Variants in OTOA observed in about 807,000 individuals in gnomAD.
OTOA encodes the protein otoancorin, also known as cancer/testis antigen 108.
A neutral mutation model predicts 110.8 loss-of-function variants in OTOA; 70 were observed. That is an observed-to-expected ratio of 0.63 (90% confidence interval 0.52 to 0.77). The LOEUF (loss-of-function observed/expected upper bound fraction) is 0.77, where lower values mean the gene tolerates loss of function less well. Ranked by LOEUF, OTOA falls within the 30% of genes least tolerant of loss-of-function variation. The probability of loss-of-function intolerance (pLI) is 0.00; values close to 1 mark genes in which losing one functional copy is unlikely to be tolerated. For missense variants in OTOA, 917 were observed against 1,075.8 expected, an observed-to-expected ratio of 0.85 and a Z score of 2.06; for synonymous variants, 373 against 431.5, an observed-to-expected ratio of 0.86 and a Z score of 1.68.
intron 5 of OTOA, among the ~76,000 whole-genome samples, chr16:21,679,922 T>A (rs1225041435): frequency 3.3e-5 from 5 of 152,112 alleles, no homozygotes; most frequent in Non-Finnish European, 7.4e-5. Context: ...CCCTTTACTG[T>A]TGCATTATAA....
chr16:21,690,360 A>C (rs1897804699), intron 8 of OTOA, among the ~76,000 whole-genome samples: 2 of 151,778 alleles, frequency 1.3e-5, no homozygotes, highest in Admixed American at 1.3e-4. Flanking sequence ...CACCCCCACA[A>C]TAGGACCCAG....
chr16:21,688,582 T>C (rs1430183464), intron 8 of OTOA, among the ~76,000 whole-genome samples: 1 of 152,178 alleles, frequency 6.6e-6, no homozygotes, highest in Non-Finnish European at 1.5e-5. Context: ...CTCATGGTTC[T>C]GGAGGCTGGG....
intron 1 of OTOA, among the ~76,000 whole-genome samples, chr16:21,670,814 G>A (rs760676540): frequency 2.0e-5 from 3 of 152,192 alleles, no homozygotes; most frequent in Non-Finnish European, 4.4e-5. Flanking sequence ...AGAGAATTCA[G>A]GGAAGGCTTC....
rs577315365 is a variant in OTOA at position 21,708,702 on chromosome 16, G to GC, written c.1105-1180dup. Among the ~76,000 whole-genome samples the GC allele has an allele frequency of 1.4e-4, 21 of 152,236 alleles. No homozygotes were observed. In the South Asian group the frequency reaches 2.5e-3, roughly 18 times the overall value. On this transcript the variant is annotated intron_variant, in intron 12 of 28. Transcript: ENST00000646100. ...GTTGTTTCTTCTACTTCACTCTGCT[G>GC]CCCCCCAGTGGCTATTTCAATATTG... is the stretch of plus-strand genomic sequence containing the variant.
intron 8 of OTOA, 151 bp from the exon 9 acceptor site, chr16:21,691,433 C>T (rs1284478039): frequency 9.0e-6 from 6 of 667,608 alleles, no homozygotes; most frequent in Non-Finnish European, 1.6e-5. Flanking sequence ...TTCCAACCAA[C>T]AGTGTAAAAG....
intron 8 of OTOA, among the ~76,000 whole-genome samples, chr16:21,687,904 T>C (rs1313736551): frequency 1.3e-5 from 2 of 151,906 alleles, no homozygotes; most frequent in East Asian, 2.0e-4. Context: ...CATCAAGTGA[T>C]CCACCTGCCT....
At chr16:21,714,029 G>T (rs561976590) in intron 13 of OTOA, among the ~76,000 whole-genome samples, 1 of 152,098 alleles carries the variant, frequency 6.6e-6, no homozygotes, top group Non-Finnish European at 1.5e-5. Context: ...GAGGTCAAAA[G>T]GTCTTGCCTT....
At chr16:21,721,420 C>T in intron 17 of OTOA, 1 of 455,694 alleles carries the variant, frequency 2.2e-6, no homozygotes, top group Non-Finnish European at 4.4e-6. Context: ...AGCAGAGCTA[C>T]TGGCCTCTAG....
In OTOA at chr16:21,715,077, G is replaced by A. The variant is rs779657494; in HGVS notation, c.1413G>A (p.Ser471=). The change falls in exon 14 of 29, where the codon TCG becomes TCA. Residue 471 remains serine, a synonymous_variant. Coordinates refer to ENST00000646100, the MANE Select transcript of OTOA (RefSeq NM_144672.4). ...AFCSMKRKDI[S]QVLRSAVSQY... ...GCAGCATGAAACGCAAGGACATCTC[G>A]CAGGTCCTGAGAAGTGCCGTCTCCC... 4.8e-5 allele frequency: 77 copies of A among 1,614,090 alleles called. No homozygotes were observed. Among genetic ancestry groups the A allele is most frequent in the East Asian group, 4.5e-4 (20 of 44,902 alleles).
intron 1 of OTOA, 65 bp from the exon 2 acceptor site, chr16:21,678,442 ATGTG>A: frequency 2.2e-6 from 2 of 925,426 alleles, no homozygotes; most frequent in Non-Finnish European, 3.3e-6. Flanking sequence ...ATGTATATAT[ATGTG>A]TGTGTGTGTA....
rs1203222041 is a variant in OTOA at position 21,697,756 on chromosome 16, ATTTCT to A, written c.740-16_740-12del. 5 of 1,610,044 alleles carry A rather than the reference ATTTCT, an allele frequency of 3.1e-6. No homozygotes were observed. The African/African-American group carries it at 6.7e-5, about 22-fold the overall frequency. On this transcript the variant is annotated splice_polypyrimidine_tract_variant and intron_variant, in intron 9 of 28. Coordinates refer to ENST00000646100, the MANE Select transcript of OTOA (RefSeq NM_144672.4). Reference sequence around the variant, plus strand: ...TATTTATGTATGTACTCATTTATTCATTTCTTTATTTTTTGTAGATGACTCTGCTT... The same window carrying A: ...TATTTATGTATGTACTCATTTATTCATTATTTTTTGTAGATGACTCTGCTT...
chr16:21,678,283 A>T (rs1233109799), intron 1 of OTOA, among the ~76,000 whole-genome samples: 1 of 152,048 alleles, frequency 6.6e-6, no homozygotes, highest in Non-Finnish European at 1.5e-5. Context: ...GAGAGAGATG[A>T]TAGTGTCTTA....
At chr16:21,729,403 T>C (rs1377755495) in intron 20 of OTOA, among the ~76,000 whole-genome samples, 1 of 152,100 alleles carries the variant, frequency 6.6e-6, no homozygotes, top group Non-Finnish European at 1.5e-5. Flanking sequence ...ATTTCCCATA[T>C]CTCTCTGACC....
intron 14 of OTOA, among the ~76,000 whole-genome samples, chr16:21,716,496 A>G (rs1597836418): frequency 6.6e-6 from 1 of 151,988 alleles, no homozygotes; most frequent in Admixed American, 6.6e-5. Context: ...GCTTGAACCC[A>G]GGAGGCGGAG....
chr16:21,724,512 T>C (rs1215031514), intron 18 of OTOA, among the ~76,000 whole-genome samples: 2 of 152,098 alleles, frequency 1.3e-5, no homozygotes, highest in African/African-American at 4.8e-5. Context: ...TTCACACATA[T>C]TCTGTGTGCA....
chr16:21,731,500 T>A (rs1206531835), intron 21 of OTOA, among the ~76,000 whole-genome samples: 1 of 152,222 alleles, frequency 6.6e-6, no homozygotes, highest in African/African-American at 2.4e-5. Context: ...GCCTGATTTG[T>A]GGGTCGCTGG....
At chr16:21,704,417 T>C (rs951470593) in intron 11 of OTOA, among the ~76,000 whole-genome samples, 1 of 152,124 alleles carries the variant, frequency 6.6e-6, no homozygotes, top group African/African-American at 2.4e-5. Flanking sequence ...TGGATCTACA[T>C]TTAAGTCCCA....
intron 1 of OTOA, among the ~76,000 whole-genome samples, chr16:21,665,111 C>T (rs1966836953): frequency 6.6e-6 from 1 of 152,088 alleles, no homozygotes; most frequent in African/African-American, 2.4e-5. Context: ...AAGGAATTTG[C>T]CCAATAGCAC....
chr16:21,696,817 G>A (rs1053066080), intron 9 of OTOA, among the ~76,000 whole-genome samples: 2 of 151,634 alleles, frequency 1.3e-5, no homozygotes, highest in African/African-American at 4.8e-5. Context: ...GTAACCAATC[G>A]AATGAAAAAA....
Sources: gnomAD v4.1 joint callset for allele counts (sites outside exome capture counted in the v4.1 genomes callset) on GRCh38, gnomAD v4.1.1 for gene constraint, MANE v1.5 for transcripts, NCBI Gene and HGNC (gene_info 2026-07-23, HGNC 2026-07-21) for gene names.